KCNK3: variants seen among roughly 807,000 people sequenced by gnomAD.
KCNK3 encodes potassium two pore domain channel subfamily K member 3.
In KCNK3, 9 loss-of-function variants were observed where a neutral mutation model predicts 27.3. The ratio of observed to expected loss-of-function variants is 0.33; its 90% confidence interval spans 0.20 to 0.57. The LOEUF is 0.57. Among genes scored for constraint, KCNK3 ranks in the 20% least tolerant of loss-of-function variants. The pLI, the probability that KCNK3 is intolerant of heterozygous loss-of-function variation, is 0.87. For synonymous variants in KCNK3, 278 were observed against 273.8 expected, an observed-to-expected ratio of 1.02 and a Z score of -0.15; for missense variants, 391 against 577.7, an observed-to-expected ratio of 0.68 and a Z score of 3.31.
At chr2:26,707,464 G>A (rs1239215192) in intron 1 of KCNK3, among the ~76,000 whole-genome samples, 1 of 152,222 alleles carries the variant, frequency 6.6e-6, no homozygotes, top group Non-Finnish European at 1.5e-5. Context: ...CAGGGTACCG[G>A]GAGCTGTGTT....
In KCNK3 at chr2:26,728,699, C is replaced by A; in HGVS notation, c.*131C>A. The A allele has an allele frequency of 2.5e-6, 2 of 789,644 alleles. No individual in the cohort carries two copies. Among genetic ancestry groups the A allele is most frequent in the Non-Finnish European group, 3.5e-6 (2 of 564,460 alleles). 48.9% of individuals were successfully genotyped at this position (789,644 alleles called of 1,614,324 possible). ...ATCCCTCACCACTCTCCCCCAGCAC[C>A]CCCATCTCCGACTGTGCCTGCTTGC... On this transcript the variant is annotated 3_prime_UTR_variant, in exon 2 of 2. Coordinates refer to ENST00000302909, the MANE Select transcript of KCNK3 (RefSeq NM_002246.3).
Position 26,732,231 on chromosome 2 carries a change from C to G in KCNK3, c.*3663C>G, listed in dbSNP as rs561970102. On this transcript the variant is annotated 3_prime_UTR_variant, in exon 2 of 2. Transcript: ENST00000302909. Reference sequence around the variant, plus strand: ...TAATAGCACACAGCTCTGTACCTATCTAGCTCCATGCCTATCTATCTGCCT... The same window carrying G: ...TAATAGCACACAGCTCTGTACCTATGTAGCTCCATGCCTATCTATCTGCCT... The G allele has an allele frequency of 5.3e-5, 8 of 152,352 alleles. No homozygotes were observed. The highest frequency in any genetic ancestry group is 1.9e-4 in the African/African-American group (8 of 41,562). The allele number at this position is 152,352 out of a possible 1,614,324, so 9.4% of individuals were successfully genotyped here.
rs1010960867 is a variant in KCNK3, at chr2:26,692,983, C to T, written c.108C>T (p.Ile36=). The T allele has an allele frequency of 6.4e-7, 1 of 1,574,080 alleles. No homozygotes were observed. The highest frequency in any genetic ancestry group is 1.1e-5 in the South Asian group (1 of 87,294). ...CGCTGGAGTCGGAGCCCGAGCTGATCGAGCGGCAGCGGCTGGAGCTGCGGC... is the reference window on the plus strand; with the variant it reads ...CGCTGGAGTCGGAGCCCGAGCTGATTGAGCGGCAGCGGCTGGAGCTGCGGC... ...FDALESEPEL[I]ERQRLELRQQ... The change falls in exon 1 of 2, where the codon ATC becomes ATT. Residue 36 remains isoleucine (I), a synonymous_variant. Transcript: ENST00000302909. The surrounding 1 kb of genome is among the most constrained non-coding windows in gnomAD (Gnocchi z 5.6).
intron 1 of KCNK3, among the ~76,000 whole-genome samples, chr2:26,714,702 A>G (rs1375356288): frequency 6.6e-6 from 1 of 151,718 alleles, no homozygotes; most frequent in Admixed American, 6.6e-5. Context: ...CCTGGCCAAC[A>G]TGGCGAAACC....
chr2:26,693,066 G>A lies in KCNK3; in HGVS notation c.191G>A (p.Arg64His). 1.9e-6 allele frequency: 3 copies of A among 1,603,570 alleles called. No homozygotes were observed. Among genetic ancestry groups the A allele is most frequent in the Non-Finnish European group, 2.5e-6 (3 of 1,177,562 alleles). The change falls in exon 1 of 2, where the codon CGC (arginine) becomes CAC (histidine). Residue 64 changes from arginine to histidine, a missense_variant. Physicochemically the swap from Arg to His is conservative, Grantham distance 29. Transcript: ENST00000302909. The surrounding 1 kb of genome is among the most constrained non-coding windows in gnomAD (Gnocchi z 5.5). ...CAGGGCGGCTACGAGGAGCTGGAGC[G>A]CGTCGTGCTGCGCCTCAAGCCGCAC... is the stretch of plus-strand genomic sequence containing the variant. ...LSQGGYEELE[R>H]VVLRLKPHKA... is the part of the protein sequence containing the mutation.
At chr2:26,725,092 G>A (rs186098145) in intron 1 of KCNK3, among the ~76,000 whole-genome samples, 3 of 152,210 alleles carry the variant, frequency 2.0e-5, no homozygotes, top group Admixed American at 6.5e-5. Context: ...GGGAAGTCAC[G>A]GCCTATGACA....
chr2:26,721,969 C>T lies in KCNK3; in HGVS notation c.284-5698C>T, dbSNP rs1028185762. Among the ~76,000 whole-genome samples, 5 of 152,312 alleles carry T rather than the reference C, an allele frequency of 3.3e-5. No homozygotes were observed. The highest frequency in any genetic ancestry group is 2.1e-4 in the South Asian group (1 of 4,832). ...AGAGAAGGAGATCAAAGAATCATAT[C>T]GTCAGAGACCTGGGGGAAGGACCTC... On this transcript the variant is annotated intron_variant, in intron 1 of 1. Transcript: ENST00000302909. The surrounding 1 kb of genome is among the most constrained non-coding windows in gnomAD (Gnocchi z 4.3).
At chr2:26,723,998 C>T (rs577338041) in intron 1 of KCNK3, among the ~76,000 whole-genome samples, 35 of 152,332 alleles carry the variant, frequency 2.3e-4, no homozygotes, top group African/African-American at 7.9e-4. Flanking sequence ...ACACCTTTTG[C>T]CCCCTGCCTC....
Position 26,728,719 on chromosome 2 carries a change from G to A in KCNK3, c.*151G>A, listed in dbSNP as rs1015029992. The A allele has an allele frequency of 7.8e-6, 5 of 639,922 alleles. No individual in the cohort carries two copies. In the African/African-American group the frequency reaches 9.5e-5, roughly 12 times the overall value. The allele number at this position is 639,922 out of a possible 1,614,324, so 39.6% of individuals were successfully genotyped here. On this transcript the variant is annotated 3_prime_UTR_variant, in exon 2 of 2. Transcript: ENST00000302909. ...AGCACCCCCATCTCCGACTGTGCCT[G>A]CTTGCACCAGCCGGCAGGAGGCCGG...
At chr2:26,696,165 T>G (rs1489408945) in intron 1 of KCNK3, among the ~76,000 whole-genome samples, 4 of 152,222 alleles carry the variant, frequency 2.6e-5, no homozygotes, top group Non-Finnish European at 5.9e-5. Context: ...CTTCCCATCA[T>G]TTGCTACCTT....
chr2:26,703,995 C>T (rs1372322562), intron 1 of KCNK3, among the ~76,000 whole-genome samples: 2 of 152,078 alleles, frequency 1.3e-5, no homozygotes, highest in African/African-American at 2.4e-5. Flanking sequence ...AGGATAGGCC[C>T]GATCTGTGTG....
intron 1 of KCNK3, among the ~76,000 whole-genome samples, chr2:26,694,954 G>A (rs919052401): frequency 6.6e-6 from 1 of 151,998 alleles, no homozygotes; most frequent in African/African-American, 2.4e-5. Context: ...TGCTCCCCTG[G>A]ACAATGCTGC....
intron 1 of KCNK3, among the ~76,000 whole-genome samples, chr2:26,702,222 CAGAG>C: frequency 6.6e-6 from 1 of 151,926 alleles, no homozygotes; most frequent in Non-Finnish European, 1.5e-5. Flanking sequence ...CCTCACATGA[CAGAG>C]AGAGAGAGAA....
intron 1 of KCNK3, among the ~76,000 whole-genome samples, chr2:26,703,150 A>C (rs1156721640): frequency 6.6e-6 from 1 of 152,174 alleles, no homozygotes; most frequent in African/African-American, 2.4e-5. Context: ...AGCTCTCTTC[A>C]GTATGTGCTA....
Position 26,728,743 on chromosome 2 carries a change from G to A in KCNK3, c.*175G>A. The stretch of plus-strand genomic sequence containing the variant: ...TGCTTGCACCAGCCGGCAGGAGGCC[G>A]GGCTCTGAGGACCCCTGGGGCCCCC... On this transcript the variant is annotated 3_prime_UTR_variant, in exon 2 of 2. Coordinates refer to ENST00000302909, the MANE Select transcript of KCNK3 (RefSeq NM_002246.3). The A allele has an allele frequency of 1.9e-6, 1 of 522,202 alleles. No individual in the cohort carries two copies. Among genetic ancestry groups the A allele is most frequent in the Non-Finnish European group, 3.0e-6 (1 of 332,770 alleles). The allele number at this position is 522,202 out of a possible 1,614,324, so 32.3% of individuals were successfully genotyped here.
rs931114556 is a variant in KCNK3 at position 26,694,850 on chromosome 2, C to A, written c.283+1692C>A. On this transcript the variant is annotated intron_variant, in intron 1 of 1. Coordinates refer to ENST00000302909, the MANE Select transcript of KCNK3 (RefSeq NM_002246.3). ...CTCTCCCTCTTTTCCACACGTCAAGCCTTCACGCGTGTCCCCTTTCCTTCT... is the reference window on the plus strand; with the variant it reads ...CTCTCCCTCTTTTCCACACGTCAAGACTTCACGCGTGTCCCCTTTCCTTCT... 4.3e-4 allele frequency among the ~76,000 whole-genome samples: 66 copies of A among 152,136 alleles called. 1 individual carries two copies. Among genetic ancestry groups the A allele is most frequent in the African/African-American group, 1.9e-4 (8 of 41,438 alleles).
At chr2:26,700,924 C>A (rs1670300406) in intron 1 of KCNK3, among the ~76,000 whole-genome samples, 1 of 152,190 alleles carries the variant, frequency 6.6e-6, no homozygotes. Flanking sequence ...ACTGAGGAGG[C>A]CAGCTCAGCA....
chr2:26,699,574 T>TA (rs1670282266), intron 1 of KCNK3, among the ~76,000 whole-genome samples: 1 of 152,220 alleles, frequency 6.6e-6, no homozygotes. Context: ...ATTTTGTAAT[T>TA]AAAAAAATGT....
rs1663453285 is a variant in KCNK3, at chr2:26,727,870, G to T, written c.487G>T (p.Gly163Cys). Residue 163 changes from glycine to cysteine, a missense_variant, in exon 2 of 2, where the codon GGC (glycine) becomes TGC (cysteine). By Grantham distance (159) the Gly-to-Cys change is radical (BLOSUM62 -3). Transcript: ENST00000302909. Reference sequence around the variant, plus strand: ...GTCCATGGCCAACATGGTGCTCATCGGCTTCTTCTCGTGCATCAGCACGCT... The same window carrying T: ...GTCCATGGCCAACATGGTGCTCATCTGCTTCTTCTCGTGCATCAGCACGCT... ...DVSMANMVLIGFFSCISTLCI... is the reference protein window; with the variant it reads ...DVSMANMVLICFFSCISTLCI... 6.2e-7 allele frequency: 1 copy of T among 1,614,018 alleles called. No individual in the cohort carries two copies.
Sources: gnomAD v4.1 joint callset for allele counts (sites outside exome capture counted in the v4.1 genomes callset) on GRCh38, gnomAD v4.1.1 for gene constraint, Gnocchi (gnomAD v3.1) non-coding constraint, MANE v1.5 for transcripts, NCBI Gene and HGNC (gene_info 2026-07-23, HGNC 2026-07-21) for gene names.